The following SLC2A13 variants were observed in gnomAD, a reference collection of about 807,000 sequenced individuals.
SLC2A13 encodes proton myo-inositol cotransporter.
In SLC2A13, 32 loss-of-function variants were observed where a neutral mutation model predicts 64.4. The observed-to-expected ratio is 0.50, with a 90% CI of 0.37 to 0.67. The LOEUF (loss-of-function observed/expected upper bound fraction) is 0.67. Ranked by LOEUF, SLC2A13 falls within the 30% of genes least tolerant of loss-of-function variation. The pLI is 0.00. For missense variants in SLC2A13, 743 were observed against 829.2 expected, an observed-to-expected ratio of 0.90 and a Z score of 1.28; for synonymous variants, 338 against 327.1, an observed-to-expected ratio of 1.03 and a Z score of -0.36.
intron 4 of SLC2A13, among the ~76,000 whole-genome samples, chr12:39,946,021 G>C (rs747728768): frequency 6.6e-6 from 1 of 152,130 alleles, no homozygotes; most frequent in Non-Finnish European, 1.5e-5. Flanking sequence ...GAAGGCTGTC[G>C]TTCAGATTCT....
intron 1 of SLC2A13, among the ~76,000 whole-genome samples, chr12:40,103,813 G>A (rs374646975): frequency 6.6e-6 from 1 of 152,356 alleles, no homozygotes; most frequent in Non-Finnish European, 1.5e-5. Context: ...GAAGGGTCCT[G>A]AAGGCCCAAG....
chr12:40,047,308 C>A (rs1437590459), intron 2 of SLC2A13, among the ~76,000 whole-genome samples: 1 of 152,068 alleles, frequency 6.6e-6, no homozygotes, highest in Non-Finnish European at 1.5e-5. Flanking sequence ...CCAGTATCTA[C>A]AGAGAAGTAA....
intron 1 of SLC2A13, among the ~76,000 whole-genome samples, chr12:40,091,362 A>G (rs1938761288): frequency 6.6e-6 from 1 of 152,180 alleles, no homozygotes; most frequent in Non-Finnish European, 1.5e-5. Context: ...TAGATTCTTT[A>G]TAATTTACTT....
intron 7 of SLC2A13, among the ~76,000 whole-genome samples, chr12:39,794,711 T>A (rs911220084): frequency 2.6e-5 from 4 of 152,190 alleles, no homozygotes; most frequent in African/African-American, 9.6e-5. Flanking sequence ...CAGCCTGGAG[T>A]GGCTGTGAAC....
chr12:39,966,787 G>A (rs1432779552), intron 3 of SLC2A13, among the ~76,000 whole-genome samples: 5 of 152,134 alleles, frequency 3.3e-5, no homozygotes, highest in Admixed American at 6.5e-5. Context: ...GTCTCCAGAT[G>A]CCTTTGCTTT....
At chr12:39,837,836 A>G (rs900543503) in intron 6 of SLC2A13, among the ~76,000 whole-genome samples, 1 of 152,068 alleles carries the variant, frequency 6.6e-6, no homozygotes, top group Admixed American at 6.5e-5. Flanking sequence ...AAAAGTCAGG[A>G]AACAACAGGT....
At chr12:40,036,349 G>A (rs527992613) in intron 2 of SLC2A13, among the ~76,000 whole-genome samples, 7 of 152,302 alleles carry the variant, frequency 4.6e-5, no homozygotes, top group African/African-American at 1.7e-4. Context: ...ACAAGAAAAT[G>A]CAGAGATCCA....
Position 39,895,543 on chromosome 12 carries a change from TATATATATACAC to T in SLC2A13, c.1035-23594_1035-23583del, listed in dbSNP as rs1265748526. 5.7e-3 allele frequency among the ~76,000 whole-genome samples: 450 copies of T among 78,804 alleles called. 45 individuals are homozygous for T. Among genetic ancestry groups the T allele is most frequent in the Admixed American group, 0.048 (318 of 6,614 alleles). The allele number at this position is 78,804 out of a possible 152,430, so 51.7% of individuals were successfully genotyped here. A position where few individuals can be genotyped will look rare whatever the true frequency, so the allele number is the denominator to read the frequency against. ...ATATATATATATATATATATATATA[TATATATATACAC>T]ACACACACACACGTGTATATGTATA... On this transcript the variant is annotated intron_variant, in intron 4 of 9. Transcript: ENST00000280871.
chr12:39,971,995 A>ATATATATATATATATATATAT (rs1192990149), intron 3 of SLC2A13, among the ~76,000 whole-genome samples: 3 of 48,510 alleles, frequency 6.2e-5, no homozygotes, highest in African/African-American at 2.1e-4. Flanking sequence ...AAAAAAAAAA[A>ATATATATATATATATATATAT]AAATATATAT....
At chr12:39,764,934 A>G (rs148970908) in intron 7 of SLC2A13, 76 bp from the exon 8 acceptor site, 4 of 1,502,270 alleles carry the variant, frequency 2.7e-6, no homozygotes, top group East Asian at 2.3e-5. Flanking sequence ...GATCATATTT[A>G]TGTATTTGGA....
At chr12:39,776,432 A>G (rs1252831237) in intron 7 of SLC2A13, among the ~76,000 whole-genome samples, 1 of 152,234 alleles carries the variant, frequency 6.6e-6, no homozygotes, top group Non-Finnish European at 1.5e-5. Flanking sequence ...CCAGTGCCCT[A>G]GGAAGCGGCT....
At chr12:39,848,111 A>T (rs1317316112) in intron 6 of SLC2A13, among the ~76,000 whole-genome samples, 1 of 152,120 alleles carries the variant, frequency 6.6e-6, no homozygotes, top group Non-Finnish European at 1.5e-5. Flanking sequence ...CCTGGACCTA[A>T]GAACAGGTAA....
chr12:40,010,463 G>A (rs913005904), intron 3 of SLC2A13, among the ~76,000 whole-genome samples: 9 of 151,884 alleles, frequency 5.9e-5, no homozygotes, highest in African/African-American at 2.2e-4. Context: ...TCTGAGCCTG[G>A]ATCAGCTGAC....
At chr12:40,009,030 A>G (rs1947473370) in intron 3 of SLC2A13, among the ~76,000 whole-genome samples, 1 of 152,214 alleles carries the variant, frequency 6.6e-6, no homozygotes, top group African/African-American at 2.4e-5. Flanking sequence ...AAATCAACTC[A>G]ACTTGAAAGA....
At chr12:40,039,965 C>T (rs982297905) in intron 2 of SLC2A13, among the ~76,000 whole-genome samples, 2 of 152,222 alleles carry the variant, frequency 1.3e-5, no homozygotes, top group African/African-American at 4.8e-5. Flanking sequence ...ATGCTCCATA[C>T]ATTCACACAT....
In SLC2A13 at chr12:39,759,930, G is replaced by T; in HGVS notation, c.*96C>A. The T allele has an allele frequency of 1.1e-6, 1 of 875,016 alleles. No individual in the cohort carries two copies. The highest frequency in any genetic ancestry group is 1.8e-6 in the Non-Finnish European group (1 of 555,484). 54.2% of individuals were successfully genotyped at this position (875,016 alleles called of 1,614,324 possible). A position where few individuals can be genotyped will look rare whatever the true frequency, so the allele number is the denominator to read the frequency against. ...TGAAGTCAATCAAAACTAGGCTGTG[G>T]AAAGAACCAGATTAGAAGCAGGGCA... On this transcript the variant is annotated 3_prime_UTR_variant, in exon 10 of 10. Coordinates refer to ENST00000280871, the MANE Select transcript of SLC2A13 (RefSeq NM_052885.4).
chr12:39,822,420 A>T (rs1210336617), intron 7 of SLC2A13, among the ~76,000 whole-genome samples: 1 of 152,198 alleles, frequency 6.6e-6, no homozygotes, highest in East Asian at 1.9e-4. Context: ...AAATATCTAA[A>T]TAAGGCTCTT....
At chr12:39,855,522 G>A (rs918709768) in intron 6 of SLC2A13, among the ~76,000 whole-genome samples, 1 of 152,122 alleles carries the variant, frequency 6.6e-6, no homozygotes, top group East Asian at 1.9e-4. Context: ...TTGCAATTAC[G>A]TATCTGCATT....
chr12:39,934,860 A>C (rs189012921), intron 4 of SLC2A13, among the ~76,000 whole-genome samples: 41 of 152,280 alleles, frequency 2.7e-4, no homozygotes, highest in Non-Finnish European at 4.3e-4. Context: ...TCTAGCAAGA[A>C]ACACTGTTCA....
Sources: allele counts gnomAD v4.1 joint callset (sites outside exome capture counted in the v4.1 genomes callset), GRCh38; gene constraint gnomAD v4.1.1; transcripts MANE v1.5; gene names NCBI Gene and HGNC (gene_info 2026-07-23, HGNC 2026-07-21).